The following RNF130 variants were observed in gnomAD, a reference collection of about 807,000 sequenced individuals.
RNF130 encodes the protein E3 ubiquitin-protein ligase RNF130.
In RNF130, 21 loss-of-function variants were observed where a neutral mutation model predicts 44.6. The observed-to-expected ratio is 0.47, with a 90% CI of 0.33 to 0.68. RNF130 has a LOEUF of 0.68. Ranked by LOEUF, RNF130 falls within the 30% of genes least tolerant of loss-of-function variation. RNF130 has a pLI of 0.02. For synonymous variants in RNF130, 214 were observed against 210.4 expected, an observed-to-expected ratio of 1.02 and a Z score of -0.15; for missense variants, 479 against 560.6, an observed-to-expected ratio of 0.85 and a Z score of 1.47.
At position 179,977,863 on chromosome 5, in the gene RNF130, A is replaced by G. The variant is rs1762750528; in HGVS notation, c.848+340T>C. ...GAGCGAGACTCCGTCTCAAAAAATA[A>G]ATAAATAAATAAATAAAAGAAAACA... On this transcript the variant is annotated intron_variant, in intron 5 of 8. Transcript: ENST00000521389. The surrounding 1 kb of genome is among the most constrained non-coding windows in gnomAD (Gnocchi z 4.1). Among the ~76,000 whole-genome samples the G allele has an allele frequency of 6.6e-6, 1 of 152,240 alleles. No individual in the cohort carries two copies. Among genetic ancestry groups the G allele is most frequent in the East Asian group, 1.9e-4 (1 of 5,200 alleles).
At position 179,998,886 on chromosome 5, in the gene RNF130, T is replaced by TATATATATATATATA. The variant is rs1389273465; in HGVS notation, c.693+14174_693+14175insTATATATATATATAT. On this transcript the variant is annotated intron_variant, in intron 3 of 8. Transcript: ENST00000521389. ...ATATATATATATATATATATATATG[T>TATATATATATATATA]TTTATATATCTGAGTGCTCCAGTGT... Among the ~76,000 whole-genome samples the TATATATATATATATA allele has an allele frequency of 1.7e-3, 174 of 105,392 alleles. 6 individuals carry two copies. The highest frequency in any genetic ancestry group is 5.4e-3 in the Middle Eastern group (1 of 186). 69.1% of individuals were successfully genotyped at this position (105,392 alleles called of 152,430 possible). A position where few individuals can be genotyped will look rare whatever the true frequency, so the allele number is the denominator to read the frequency against.
chr5:179,992,344 T>C (rs944113449), intron 3 of RNF130, among the ~76,000 whole-genome samples: 2 of 152,196 alleles, frequency 1.3e-5, no homozygotes, highest in Non-Finnish European at 2.9e-5. Context: ...GGTTTCACCA[T>C]GTTAGCCAGG....
chr5:179,992,208 C>T (rs1485747636), intron 3 of RNF130, among the ~76,000 whole-genome samples: 2 of 152,198 alleles, frequency 1.3e-5, no homozygotes, highest in Non-Finnish European at 2.9e-5. Context: ...GTGGCACGAT[C>T]TCGGCTCACT....
chr5:180,013,043 G>A lies in RNF130; in HGVS notation c.693+18C>T. 1 of 1,607,824 alleles carries A rather than the reference G, an allele frequency of 6.2e-7. No homozygotes were observed. Among genetic ancestry groups the A allele is most frequent in the Non-Finnish European group, 8.5e-7 (1 of 1,177,570 alleles). On this transcript the variant is annotated intron_variant, in intron 3 of 8. Coordinates refer to ENST00000521389, the MANE Select transcript of RNF130 (RefSeq NM_018434.6). ...CTCTGGCTGTTACGAACCAATCACT[G>A]TTGAGTACTGAGCTCACCTGGTTCC...
chr5:179,952,683 T>C (rs1410710359), downstream of RNF130, among the ~76,000 whole-genome samples: 1 of 152,196 alleles, frequency 6.6e-6, no homozygotes, highest in Non-Finnish European at 1.5e-5. Context: ...ATTGGTTCAA[T>C]GTAAGAAAAT....
Position 180,038,607 on chromosome 5 carries a change from G to A in RNF130, c.442+1846C>T, listed in dbSNP as rs568241015. Among the ~76,000 whole-genome samples the A allele has an allele frequency of 3.9e-5, 6 of 152,040 alleles. No homozygotes were observed. The East Asian group carries it at 1.2e-3, about 30-fold the overall frequency. ...TCTGAAACTTACTGTTTCCCCATGA[G>A]TCCTCTAGGAACATATCTAAACAAA... On this transcript the variant is annotated intron_variant, in intron 2 of 8. Transcript: ENST00000521389.
chr5:180,068,583 T>C (rs867481261), intron 1 of RNF130, among the ~76,000 whole-genome samples: 3 of 152,238 alleles, frequency 2.0e-5, no homozygotes, highest in Middle Eastern at 6.8e-3. Context: ...AAGAAAAAAA[T>C]TGACTATTTG....
In RNF130 at chr5:180,013,232, A is replaced by G. The variant is rs148769235; in HGVS notation, c.522T>C (p.Ser174=). ...TTCCAACAGCTATTGTCATTTGTAC[A>G]GAGATGTTTTTCTCCAGATAACTCA... ...DILSYLEKNI[S]VQMTIAVGTR... is the part of the protein sequence containing the mutation. Residue 174 remains serine, a synonymous_variant, in exon 3 of 9, where the codon TCT becomes TCC. Coordinates refer to ENST00000521389, the MANE Select transcript of RNF130 (RefSeq NM_018434.6). The G allele has an allele frequency of 1.1e-3, 1,823 of 1,614,248 alleles. No individual in the cohort carries two copies. Among genetic ancestry groups the G allele is most frequent in the Non-Finnish European group, 1.4e-3 (1,595 of 1,180,036 alleles).
intron 2 of RNF130, among the ~76,000 whole-genome samples, chr5:180,027,017 C>A (rs1268820018): frequency 1.3e-5 from 2 of 152,208 alleles, no homozygotes; most frequent in African/African-American, 4.8e-5. Flanking sequence ...GGGCAATGAT[C>A]CGGGTTTCTC....
At chr5:180,032,645 G>A (rs954880988) in intron 2 of RNF130, among the ~76,000 whole-genome samples, 1 of 152,138 alleles carries the variant, frequency 6.6e-6, no homozygotes, top group Non-Finnish European at 1.5e-5. Context: ...TCAATTGACC[G>A]TAAAGATATT....
intron 3 of RNF130, among the ~76,000 whole-genome samples, chr5:180,000,552 A>C (rs943320488): frequency 6.6e-6 from 1 of 152,092 alleles, no homozygotes; most frequent in Non-Finnish European, 1.5e-5. Flanking sequence ...ATGTTCCATA[A>C]GTTTTGTAGG....
intron 5 of RNF130, 96 bp downstream of exon 5, chr5:179,978,107 G>T (rs1009594396): frequency 2.0e-6 from 2 of 1,018,264 alleles, no homozygotes; most frequent in Non-Finnish European, 1.5e-6. Flanking sequence ...CCACGAGGTG[G>T]GTGGCGCTCA....
chr5:180,028,203 CCT>C (rs1470752984), intron 2 of RNF130, among the ~76,000 whole-genome samples: 2 of 152,162 alleles, frequency 1.3e-5, no homozygotes, highest in African/African-American at 4.8e-5. Flanking sequence ...TCAAGGCATT[CCT>C]CTCTGACCCC....
intron 8 of RNF130, among the ~76,000 whole-genome samples, chr5:179,956,915 G>A (rs1762225613): frequency 6.6e-6 from 1 of 152,236 alleles, no homozygotes; most frequent in Admixed American, 6.5e-5. Flanking sequence ...CAATGAATGA[G>A]GGGGCGTTGT....
chr5:179,974,270 A>G (rs1473740773), intron 5 of RNF130, among the ~76,000 whole-genome samples: 1 of 152,190 alleles, frequency 6.6e-6, no homozygotes, highest in Non-Finnish European at 1.5e-5. Flanking sequence ...TGGCATGGAA[A>G]CATACGTTCA....
intron 3 of RNF130, among the ~76,000 whole-genome samples, chr5:179,993,633 T>C (rs1763140337): frequency 6.6e-6 from 1 of 152,224 alleles, no homozygotes; most frequent in Admixed American, 6.5e-5. Context: ...TAGCCCTTTG[T>C]CAGATGGGTA....
chr5:179,974,276 G>A (rs894324553), intron 5 of RNF130, among the ~76,000 whole-genome samples: 20 of 152,276 alleles, frequency 1.3e-4, no homozygotes, highest in South Asian at 2.1e-4. Flanking sequence ...GGAAACATAC[G>A]TTCATCCACG....
At chr5:180,003,664 C>G (rs929350961) in intron 3 of RNF130, among the ~76,000 whole-genome samples, 1 of 151,846 alleles carries the variant, frequency 6.6e-6, no homozygotes, top group African/African-American at 2.4e-5. Flanking sequence ...TTGATCTCTT[C>G]CTGGAATCTG....
intron 7 of RNF130, among the ~76,000 whole-genome samples, chr5:179,938,298 G>A (rs1263965231): frequency 6.6e-6 from 1 of 151,926 alleles, no homozygotes; most frequent in African/African-American, 2.4e-5. Context: ...AGTGAAAGAG[G>A]CCAAACACAA....
Sources: gnomAD v4.1 joint callset for allele counts (sites outside exome capture counted in the v4.1 genomes callset) on GRCh38, gnomAD v4.1.1 for gene constraint, Gnocchi (gnomAD v3.1) non-coding constraint, MANE v1.5 for transcripts, NCBI Gene and HGNC (gene_info 2026-07-23, HGNC 2026-07-21) for gene names.